GRID2: variants seen among roughly 807,000 people sequenced by gnomAD.
The protein encoded by GRID2 is glutamate receptor ionotropic, delta-2.
In GRID2, 33 loss-of-function variants were observed where a neutral mutation model predicts 114.8. That is an observed-to-expected ratio of 0.29 (90% CI 0.22 to 0.38). The LOEUF (loss-of-function observed/expected upper bound fraction) is 0.38, where lower values mean the gene tolerates loss of function less well. GRID2 is among the 10% of genes least tolerant of loss of function. GRID2 has a pLI of 1.00. For missense variants in GRID2, 1,184 were observed against 1,257.7 expected, an observed-to-expected ratio of 0.94 and a Z score of 0.89; for synonymous variants, 505 against 449.9, an observed-to-expected ratio of 1.12 and a Z score of -1.55.
chr4:93,474,608 C>T (rs143700312), intron 11 of GRID2, among the ~76,000 whole-genome samples: 4 of 151,972 alleles, frequency 2.6e-5, no homozygotes, highest in Non-Finnish European at 5.9e-5. Context: ...AGGGAGAAAA[C>T]GAAATGGAAA....
Position 92,721,729 on chromosome 4 carries a change from C to T in GRID2, c.244+131443C>T, listed in dbSNP as rs538242078. 2.0e-5 allele frequency among the ~76,000 whole-genome samples: 3 copies of T among 152,210 alleles called. No homozygotes were observed. In the East Asian group the frequency reaches 5.8e-4, roughly 29 times the overall value. On this transcript the variant is annotated intron_variant, in intron 2 of 15. Coordinates refer to ENST00000282020, the MANE Select transcript of GRID2 (RefSeq NM_001510.4). ...AATATTTTGTGGCTGCCTCTTCTTT[C>T]CTAAAATAAACTCTTAGAAATTTTC...
At chr4:92,795,617 A>G (rs1739825896) in intron 2 of GRID2, among the ~76,000 whole-genome samples, 1 of 152,014 alleles carries the variant, frequency 6.6e-6, no homozygotes, top group African/African-American at 2.4e-5. Context: ...TGTCTATACC[A>G]TACCAATCCT....
intron 13 of GRID2, among the ~76,000 whole-genome samples, chr4:93,613,624 G>GGGGGTCA (rs1380730790): frequency 8.7e-6 from 1 of 114,698 alleles, no homozygotes; most frequent in Non-Finnish European, 2.0e-5. Flanking sequence ...TAGGCTGCTC[G>GGGGGTCA]GGGGTCAGGG....
intron 2 of GRID2, among the ~76,000 whole-genome samples, chr4:92,732,561 C>A (rs1736378829): frequency 6.6e-6 from 1 of 151,970 alleles, no homozygotes; most frequent in Non-Finnish European, 1.5e-5. Context: ...TTAGACTCCA[C>A]TTATTGTGGT....
At chr4:93,007,995 A>G (rs1721734544) in intron 2 of GRID2, among the ~76,000 whole-genome samples, 1 of 148,952 alleles carries the variant, frequency 6.7e-6, no homozygotes, top group Non-Finnish European at 1.5e-5. Context: ...AGATCGTGCC[A>G]TTACACTTCA....
Position 93,084,992 on chromosome 4 carries a change from C to A in GRID2, c.245-3C>A. 2 of 1,611,740 alleles carry A rather than the reference C, an allele frequency of 1.2e-6. No individual in the cohort carries two copies. The highest frequency in any genetic ancestry group is 1.7e-6 in the Non-Finnish European group (2 of 1,178,026). ...TTTTGAATATTACTGTGCTTTCTTG[C>A]AGCCTGTGAACTTATGAATCAAGGC... is the stretch of plus-strand genomic sequence containing the variant. On this transcript the variant is annotated splice_polypyrimidine_tract_variant and splice_region_variant and intron_variant, in intron 2 of 15. Transcript: ENST00000282020.
intron 4 of GRID2, among the ~76,000 whole-genome samples, chr4:93,129,168 T>G (rs750060084): frequency 2.2e-4 from 33 of 152,286 alleles, no homozygotes; most frequent in Non-Finnish European, 3.5e-4. Context: ...ACAAATAACT[T>G]TTTTATTATA....
At chr4:93,512,898 T>A (rs1301028021) in intron 12 of GRID2, among the ~76,000 whole-genome samples, 4 of 152,188 alleles carry the variant, frequency 2.6e-5, no homozygotes, top group African/African-American at 9.7e-5. Context: ...ATTTCAGTTT[T>A]CTTTTCATAG....
intron 2 of GRID2, among the ~76,000 whole-genome samples, chr4:92,887,139 G>A (rs2149464630): frequency 6.6e-6 from 1 of 152,068 alleles, no homozygotes; most frequent in Non-Finnish European, 1.5e-5. Context: ...TATCATTATT[G>A]CTGGTTCCTT....
chr4:92,983,718 T>A (rs1289580392), intron 2 of GRID2, among the ~76,000 whole-genome samples: 8 of 152,126 alleles, frequency 5.3e-5, no homozygotes, highest in Admixed American at 5.2e-4. Flanking sequence ...ATAAATTAAG[T>A]AGAAATAAGT....
chr4:92,525,449 A>G (rs570262145), intron 1 of GRID2, among the ~76,000 whole-genome samples: 1 of 152,182 alleles, frequency 6.6e-6, no homozygotes, highest in East Asian at 2.0e-4. Flanking sequence ...TAGCAAGACC[A>G]TGAGACTCAT....
chr4:93,012,174 A>G (rs1456743829), intron 2 of GRID2, among the ~76,000 whole-genome samples: 1 of 151,504 alleles, frequency 6.6e-6, no homozygotes, highest in Non-Finnish European at 1.5e-5. Context: ...TGCAGGTTTT[A>G]CCATTATTCT....
At chr4:92,952,244 T>C (rs536774151) in intron 2 of GRID2, among the ~76,000 whole-genome samples, 4 of 152,322 alleles carry the variant, frequency 2.6e-5, no homozygotes, top group African/African-American at 9.6e-5. Context: ...TAGGTAAACA[T>C]GTTTTCTCTC....
intron 2 of GRID2, among the ~76,000 whole-genome samples, chr4:92,706,914 T>G (rs1362681519): frequency 2.6e-5 from 4 of 152,138 alleles, no homozygotes; most frequent in Non-Finnish European, 5.9e-5. Context: ...ATATTACTAA[T>G]TCCAGTCATC....
At chr4:92,757,313 T>C (rs1057357888) in intron 2 of GRID2, among the ~76,000 whole-genome samples, 4 of 152,104 alleles carry the variant, frequency 2.6e-5, no homozygotes, top group African/African-American at 9.7e-5. Context: ...ACCTAGTCCA[T>C]AGATAATTAT....
chr4:93,496,927 T>C (rs1174419237), intron 12 of GRID2, among the ~76,000 whole-genome samples: 1 of 151,828 alleles, frequency 6.6e-6, no homozygotes, highest in Non-Finnish European at 1.5e-5. Context: ...ATGTGTTAAG[T>C]ATATATTTGT....
chr4:93,543,959 G>T (rs572503083), intron 13 of GRID2, among the ~76,000 whole-genome samples: 9 of 152,264 alleles, frequency 5.9e-5, no homozygotes, highest in East Asian at 1.9e-4. Context: ...ATATTATTCG[G>T]CAATTATTAT....
In GRID2 at chr4:93,444,912, C is replaced by T. The variant is rs7340830; in HGVS notation, c.1546-10750C>T. Among the ~76,000 whole-genome samples, 1,120 of 152,042 alleles carry T rather than the reference C, an allele frequency of 7.4e-3. 9 individuals carry two copies. The highest frequency in any genetic ancestry group is 0.026 in the African/African-American group (1,073 of 41,532). On this transcript the variant is annotated intron_variant, in intron 10 of 15. Transcript: ENST00000282020. ...AGTGTTTACATATGAGGAAATGTAGCGATGACTGTTCATTGTTTATAAATA... is the reference window on the plus strand; with the variant it reads ...AGTGTTTACATATGAGGAAATGTAGTGATGACTGTTCATTGTTTATAAATA...
chr4:93,185,195 A>G (rs1740287863), intron 4 of GRID2, among the ~76,000 whole-genome samples: 1 of 152,180 alleles, frequency 6.6e-6, no homozygotes. Flanking sequence ...AGGTACAGGT[A>G]GGAGAATTTA....
Sources: allele counts gnomAD v4.1 joint callset (sites outside exome capture counted in the v4.1 genomes callset), GRCh38; gene constraint gnomAD v4.1.1; transcripts MANE v1.5; gene names NCBI Gene and HGNC (gene_info 2026-07-23, HGNC 2026-07-21).